Variants in STK40 observed in about 807,000 individuals in gnomAD.
STK40 encodes the protein serine/threonine-protein kinase 40.
A neutral mutation model predicts 47.9 loss-of-function variants in STK40; 13 were observed. That is an observed-to-expected ratio of 0.27 (90% CI 0.18 to 0.43). STK40 has a LOEUF of 0.43. STK40 is among the 20% of genes least tolerant of loss of function. The probability of loss-of-function intolerance (pLI) is 1.00; values close to 1 mark genes in which losing one functional copy is unlikely to be tolerated. For missense variants in STK40, 460 were observed against 595.1 expected (o/e 0.77, Z 2.36); for synonymous variants, 225 against 243.2 (o/e 0.93, Z 0.69).
chr1:36,355,138 C>T, intron 5 of STK40, 68 bp downstream of exon 5: 1 of 1,525,280 alleles, frequency 6.6e-7, no homozygotes, highest in Non-Finnish European at 9.0e-7. Context: ...GAGCTGCCTT[C>T]TGCTCAGCAG....
intron 1 of STK40, chr1:36,367,977 G>C (rs1646915636): frequency 1.5e-6 from 1 of 680,114 alleles, no homozygotes; most frequent in South Asian, 6.6e-5. Context: ...CAGACCTGGT[G>C]CCTCCAGCTT....
intron 9 of STK40, 48 bp from the exon 10 acceptor site, chr1:36,343,496 A>T: frequency 1.3e-6 from 2 of 1,558,922 alleles, no homozygotes; most frequent in Non-Finnish European, 1.8e-6. Context: ...GACCAGGTCC[A>T]TTGATCCCAG....
chr1:36,361,887 T>C (rs1646855716), intron 1 of STK40, among the ~76,000 whole-genome samples: 1 of 152,152 alleles, frequency 6.6e-6, no homozygotes, highest in Non-Finnish European at 1.5e-5. Flanking sequence ...CCCACGGAGT[T>C]TGATGACTAC....
intron 1 of STK40, among the ~76,000 whole-genome samples, chr1:36,380,268 C>T (rs1224064197): frequency 6.6e-6 from 1 of 152,190 alleles, no homozygotes; most frequent in Non-Finnish European, 1.5e-5. Flanking sequence ...CTTTACACCA[C>T]AAACCCAAGG....
chr1:36,385,454 T>C (rs531191007), intron 1 of STK40, among the ~76,000 whole-genome samples: 67 of 152,310 alleles, frequency 4.4e-4, no homozygotes, highest in African/African-American at 1.5e-3. Context: ...TGGGTGACTC[T>C]AGGCAAAGCT....
At chr1:36,381,417 G>A (rs1647038180) in intron 1 of STK40, among the ~76,000 whole-genome samples, 2 of 152,130 alleles carry the variant, frequency 1.3e-5, no homozygotes, top group Non-Finnish European at 2.9e-5. Context: ...CTTGTGCCAG[G>A]CTGCTCCCCC....
At chr1:36,362,399 G>A (rs6692334) in intron 1 of STK40, among the ~76,000 whole-genome samples, 100,435 of 152,032 alleles carry the variant, frequency 0.66, 34,031 homozygotes, top group Middle Eastern at 0.76. Flanking sequence ...GGCCAGGCAA[G>A]GGGCAAGGAC....
chr1:36,357,888 T>G (rs559490431), intron 4 of STK40, among the ~76,000 whole-genome samples: 5 of 152,330 alleles, frequency 3.3e-5, no homozygotes, highest in African/African-American at 1.2e-4. Flanking sequence ...TTGCTGGGAT[T>G]ACAGTTGTGA....
At chr1:36,360,692 C>T (rs1404180600) in intron 2 of STK40, among the ~76,000 whole-genome samples, 1 of 152,086 alleles carries the variant, frequency 6.6e-6, no homozygotes, top group African/African-American at 2.4e-5. Context: ...TGTGACACCA[C>T]ACCCAATTAA....
At chr1:36,350,459 G>A (rs569296148) in intron 6 of STK40, among the ~76,000 whole-genome samples, 43 of 152,332 alleles carry the variant, frequency 2.8e-4, no homozygotes, top group Admixed American at 2.5e-3. Context: ...GAGAAAGTAC[G>A]GTGGGTTTGG....
chr1:36,379,843 T>G (rs932495159), intron 1 of STK40, among the ~76,000 whole-genome samples: 1 of 152,190 alleles, frequency 6.6e-6, no homozygotes, highest in African/African-American at 2.4e-5. Flanking sequence ...TAAAGGATAG[T>G]CTTTGAGGCA....
intron 6 of STK40, among the ~76,000 whole-genome samples, 181 bp downstream of exon 6, chr1:36,354,183 C>T (rs1553136373): frequency 1.3e-5 from 2 of 152,128 alleles, no homozygotes; most frequent in Non-Finnish European, 1.5e-5. Flanking sequence ...CTCAAAACTC[C>T]CAGTCTCAGC....
At chr1:36,363,130 G>A (rs535870444) in intron 1 of STK40, among the ~76,000 whole-genome samples, 2 of 152,160 alleles carry the variant, frequency 1.3e-5, no homozygotes, top group South Asian at 4.2e-4. Context: ...ACTTCAGCCT[G>A]GGCAACAGAG....
intron 1 of STK40, among the ~76,000 whole-genome samples, chr1:36,364,842 G>T (rs1297942816): frequency 1.3e-5 from 2 of 151,876 alleles, no homozygotes; most frequent in Non-Finnish European, 2.9e-5. Flanking sequence ...TAAAAATAAG[G>T]TTGACTTTTT....
chr1:36,342,552 T>C (rs143047035), intron 10 of STK40: 4 of 160,442 alleles, frequency 2.5e-5, no homozygotes, highest in African/African-American at 9.6e-5. Flanking sequence ...TCTCTAACCC[T>C]GTTTCCTCTT....
chr1:36,359,827 A>T (rs1646836434), intron 2 of STK40, among the ~76,000 whole-genome samples: 1 of 151,900 alleles, frequency 6.6e-6, no homozygotes, highest in Admixed American at 6.6e-5. Context: ...CCCATGCCAC[A>T]CTCCAGCTCC....
chr1:36,363,943 A>C (rs1365714039), intron 1 of STK40, among the ~76,000 whole-genome samples: 2 of 152,068 alleles, frequency 1.3e-5, no homozygotes, highest in African/African-American at 4.8e-5. Flanking sequence ...CGAGGTCAGG[A>C]GATCGAGACC....
chr1:36,366,267 C>G (rs906368929), intron 1 of STK40, among the ~76,000 whole-genome samples: 1 of 152,198 alleles, frequency 6.6e-6, no homozygotes, highest in Admixed American at 6.5e-5. Context: ...CGCCCCTCCC[C>G]CATCTCAGGA....
At chr1:36,350,935 C>T (rs1031471449) in intron 6 of STK40, among the ~76,000 whole-genome samples, 4 of 150,252 alleles carry the variant, frequency 2.7e-5, no homozygotes, top group East Asian at 3.9e-4. Flanking sequence ...TGGCAACACT[C>T]CCCTGCCCTG....
Sources: gnomAD v4.1 joint callset for allele counts (sites outside exome capture counted in the v4.1 genomes callset) on GRCh38, gnomAD v4.1.1 for gene constraint, MANE v1.5 for transcripts, NCBI Gene and HGNC (gene_info 2026-07-23, HGNC 2026-07-21) for gene names.